The following RPS6KC1 variants were observed in gnomAD, a reference collection of about 807,000 sequenced individuals.
The protein encoded by RPS6KC1 is ribosomal protein S6 kinase C1.
A neutral mutation model predicts 103.8 loss-of-function variants in RPS6KC1; 54 were observed. The ratio of observed to expected loss-of-function variants is 0.52; its 90% CI spans 0.42 to 0.65. The LOEUF (loss-of-function observed/expected upper bound fraction) is 0.65, where lower values mean the gene tolerates loss of function less well. Among genes scored for constraint, RPS6KC1 ranks in the 30% least tolerant of loss-of-function variants. The pLI, the probability that RPS6KC1 is intolerant of heterozygous loss-of-function variation, is 0.00. For missense variants in RPS6KC1, 1,151 were observed against 1,253.8 expected, an observed-to-expected ratio of 0.92 and a Z score of 1.24; for synonymous variants, 439 against 438.7, an observed-to-expected ratio of 1.00 and a Z score of -0.01.
chr1:213,657,654 A>T, the RPS6KC1 span, among the ~76,000 whole-genome samples: 1 of 152,210 alleles, frequency 6.6e-6, no homozygotes, highest in South Asian at 2.1e-4. Context: ...GTATACAAAC[A>T]CATGTGAATA....
chr1:213,614,540 G>A, the RPS6KC1 span, among the ~76,000 whole-genome samples: 2 of 152,310 alleles, frequency 1.3e-5, no homozygotes, highest in African/African-American at 4.8e-5. Context: ...CTTATCTGAT[G>A]TTTTGTAAAT....
chr1:213,583,871 C>T, the RPS6KC1 span, among the ~76,000 whole-genome samples: 20,781 of 140,684 alleles, frequency 0.15, 1,561 homozygotes, highest in Non-Finnish European at 0.18. Context: ...AAAAGAAAAA[C>T]ACAGATTCCA....
At chr1:213,433,284 A>G in the RPS6KC1 span, among the ~76,000 whole-genome samples, 1 of 152,174 alleles carries the variant, frequency 6.6e-6, no homozygotes, top group Non-Finnish European at 1.5e-5. Flanking sequence ...TGCTTTTAAG[A>G]ACTCTTGTGA....
intron 6 of RPS6KC1, among the ~76,000 whole-genome samples, chr1:213,137,458 C>T (rs1362765756): frequency 6.6e-6 from 1 of 151,864 alleles, no homozygotes; most frequent in Admixed American, 6.6e-5. Context: ...CTCAACCTCC[C>T]GAGTAGCTGA....
chr1:213,130,461 T>G (rs147919881), intron 6 of RPS6KC1, among the ~76,000 whole-genome samples: 9 of 152,318 alleles, frequency 5.9e-5, no homozygotes, highest in Non-Finnish European at 1.0e-4. Flanking sequence ...TTTTTCCTTA[T>G]AAAAGCAGAA....
At chr1:213,242,489 C>A in intron 11 of RPS6KC1, 80 bp from the exon 12 acceptor site, 1 of 1,216,288 alleles carries the variant, frequency 8.2e-7, no homozygotes, top group Non-Finnish European at 1.2e-6. Flanking sequence ...TTTTTAGCTA[C>A]AAAAGGAGTA....
At chr1:213,411,067 G>A in the RPS6KC1 span, among the ~76,000 whole-genome samples, 1 of 152,198 alleles carries the variant, frequency 6.6e-6, no homozygotes, top group East Asian at 1.9e-4. Context: ...GATAAGCAAG[G>A]AGGGGTGACA....
chr1:213,837,726 C>G, the RPS6KC1 span, among the ~76,000 whole-genome samples: 1 of 152,160 alleles, frequency 6.6e-6, no homozygotes, highest in African/African-American at 2.4e-5. Flanking sequence ...ACACTTTTTA[C>G]TATGTTAACT....
chr1:213,303,495 C>T, the RPS6KC1 span, among the ~76,000 whole-genome samples: 3 of 152,044 alleles, frequency 2.0e-5, no homozygotes. Context: ...AGGGCTTTCT[C>T]TGCTGGTCTG....
At chr1:213,695,807 A>C in the RPS6KC1 span, among the ~76,000 whole-genome samples, 1 of 152,212 alleles carries the variant, frequency 6.6e-6, no homozygotes, top group Non-Finnish European at 1.5e-5. Flanking sequence ...ACCCAATTAC[A>C]ATTGGTTTTG....
At chr1:213,689,723 T>C in the RPS6KC1 span, among the ~76,000 whole-genome samples, 1 of 152,224 alleles carries the variant, frequency 6.6e-6, no homozygotes, top group Non-Finnish European at 1.5e-5. Flanking sequence ...GTTTGAGAGC[T>C]GTTGAAAAGC....
the RPS6KC1 span, among the ~76,000 whole-genome samples, chr1:213,577,179 A>G: frequency 5.9e-5 from 9 of 152,306 alleles, no homozygotes; most frequent in South Asian, 2.1e-4. Context: ...GATAGTGAAT[A>G]AGTCTTACAA....
At chr1:213,276,202 G>C (rs1289423346), downstream of RPS6KC1, among the ~76,000 whole-genome samples, 1 of 152,190 alleles carries the variant, frequency 6.6e-6, no homozygotes, top group Non-Finnish European at 1.5e-5. Flanking sequence ...CAAATAGCAA[G>C]AGGTCTGACT....
At chr1:213,746,812 C>A in the RPS6KC1 span, among the ~76,000 whole-genome samples, 2 of 152,084 alleles carry the variant, frequency 1.3e-5, no homozygotes, top group South Asian at 4.2e-4. Flanking sequence ...TGGTAGTAGG[C>A]AGAGGTTTTG....
At chr1:213,322,242 G>A in the RPS6KC1 span, among the ~76,000 whole-genome samples, 1 of 152,144 alleles carries the variant, frequency 6.6e-6, no homozygotes, top group Non-Finnish European at 1.5e-5. Context: ...GGAGGCGGAG[G>A]TTGCAGTGAT....
chr1:213,082,022 A>G (rs1349266989), intron 3 of RPS6KC1, among the ~76,000 whole-genome samples: 1 of 152,186 alleles, frequency 6.6e-6, no homozygotes, highest in African/African-American at 2.4e-5. Flanking sequence ...TTACCCAGCA[A>G]TAACTACTTA....
At chr1:213,711,045 G>A in the RPS6KC1 span, among the ~76,000 whole-genome samples, 23 of 152,062 alleles carry the variant, frequency 1.5e-4, no homozygotes, top group Admixed American at 6.5e-4. Flanking sequence ...TGTATTTCCC[G>A]AATTTGAATG....
chr1:213,383,604 C>T, the RPS6KC1 span, among the ~76,000 whole-genome samples: 18 of 152,304 alleles, frequency 1.2e-4, no homozygotes, highest in African/African-American at 4.3e-4. Context: ...AAGTCCAAGC[C>T]TTCAGTATGA....
At chr1:213,811,682 A>G in the RPS6KC1 span, among the ~76,000 whole-genome samples, 13,224 of 152,218 alleles carry the variant, frequency 0.087, 959 homozygotes, top group East Asian at 0.21. Context: ...AATTCTGGAG[A>G]CAGGAAAGTT....
Sources: gnomAD v4.1 joint callset for allele counts (sites outside exome capture counted in the v4.1 genomes callset) on GRCh38, gnomAD v4.1.1 for gene constraint, MANE v1.5 for transcripts, NCBI Gene and HGNC (gene_info 2026-07-23, HGNC 2026-07-21) for gene names.